The following LGSN variants were observed in gnomAD, a reference collection of about 807,000 sequenced individuals.
LGSN encodes the protein lengsin, lens protein with glutamine synthetase domain.
LGSN carries 21 observed loss-of-function variants against 19.5 expected under a neutral mutation model. The ratio of observed to expected loss-of-function variants is 1.07; its 90% CI spans 0.76 to 1.55. The LOEUF (loss-of-function observed/expected upper bound fraction) is 1.55. Ranked by LOEUF, LGSN falls within the 40% of genes most tolerant of loss-of-function variation. The pLI, the probability that LGSN is intolerant of heterozygous loss-of-function variation, is 0.00. For missense variants in LGSN, 673 were observed against 608.5 expected, an observed-to-expected ratio of 1.11 and a Z score of -1.12; for synonymous variants, 257 against 215.6, an observed-to-expected ratio of 1.19 and a Z score of -1.68.
At chr6:63,517,235 G>A in the LGSN span, among the ~76,000 whole-genome samples, 18 of 151,968 alleles carry the variant, frequency 1.2e-4, no homozygotes, top group African/African-American at 4.4e-4. Flanking sequence ...TCAGACCAGT[G>A]GCATTAAAGA....
the LGSN span, among the ~76,000 whole-genome samples, chr6:63,529,319 C>A: frequency 3.5e-4 from 53 of 150,042 alleles, no homozygotes; most frequent in Non-Finnish European, 6.8e-4. Flanking sequence ...ACATTTGATA[C>A]ATAAAATGGT....
chr6:63,321,549 A>G (rs770815179), upstream of LGSN, among the ~76,000 whole-genome samples: 3 of 152,024 alleles, frequency 2.0e-5, no homozygotes, highest in Non-Finnish European at 4.4e-5. Context: ...CTTCTTCTCA[A>G]TGTGTATCCA....
intron 1 of LGSN, among the ~76,000 whole-genome samples, chr6:63,311,006 G>A (rs1021880764): frequency 1.4e-4 from 22 of 152,096 alleles, no homozygotes; most frequent in African/African-American, 5.3e-4. Flanking sequence ...AAAATGCCTT[G>A]AGCATCTCAA....
chr6:63,446,601 G>A, the LGSN span, among the ~76,000 whole-genome samples: 6 of 152,184 alleles, frequency 3.9e-5, no homozygotes, highest in African/African-American at 7.2e-5. Flanking sequence ...GAATAAATTT[G>A]CCATCAATTA....
the LGSN span, among the ~76,000 whole-genome samples, chr6:63,427,117 C>T: frequency 6.6e-6 from 1 of 150,988 alleles, no homozygotes; most frequent in Non-Finnish European, 1.5e-5. Flanking sequence ...GCAATCTCGG[C>T]TCACTGCAAC....
the LGSN span, among the ~76,000 whole-genome samples, chr6:63,361,096 G>A: frequency 0.13 from 19,887 of 152,244 alleles, 2,875 homozygotes; most frequent in African/African-American, 0.36. Context: ...TAGGCTACTC[G>A]AGGGTCAGGG....
At chr6:63,323,045 T>A (rs544724028), upstream of LGSN, among the ~76,000 whole-genome samples, 16 of 152,348 alleles carry the variant, frequency 1.1e-4, no homozygotes, top group African/African-American at 3.8e-4. Context: ...AATTTAGCAT[T>A]TTCAATGATT....
At chr6:63,386,388 T>A in the LGSN span, among the ~76,000 whole-genome samples, 6 of 152,166 alleles carry the variant, frequency 3.9e-5, no homozygotes, top group Non-Finnish European at 8.8e-5. Context: ...TGGGGCTTTT[T>A]AATTTTTATT....
chr6:63,361,801 C>A, the LGSN span, among the ~76,000 whole-genome samples: 1 of 152,122 alleles, frequency 6.6e-6, no homozygotes, highest in African/African-American at 2.4e-5. Context: ...TTGGCTCCAC[C>A]CCTACAACCC....
At chr6:63,445,685 T>TTACCTTCAATATCAGCATA in the LGSN span, among the ~76,000 whole-genome samples, 1 of 152,176 alleles carries the variant, frequency 6.6e-6, no homozygotes, top group Non-Finnish European at 1.5e-5. Context: ...TGTGTGGTCA[T>TTACCTTCAATATCAGCATA]TACCTTCAAT....
At chr6:63,566,540 T>C in the LGSN span, among the ~76,000 whole-genome samples, 126 of 152,188 alleles carry the variant, frequency 8.3e-4, no homozygotes, top group African/African-American at 2.9e-3. Flanking sequence ...AGAAAGGAAG[T>C]GGGGAAAACG....
chr6:63,558,175 T>C, the LGSN span, among the ~76,000 whole-genome samples: 1 of 152,138 alleles, frequency 6.6e-6, no homozygotes. Context: ...CGGCCACATA[T>C]GCATTTTTAA....
At chr6:63,284,272 T>A (rs1315652597) in intron 3 of LGSN, among the ~76,000 whole-genome samples, 1 of 151,946 alleles carries the variant, frequency 6.6e-6, no homozygotes, top group Admixed American at 6.5e-5. Context: ...GTATAATGAG[T>A]TACATTAAAA....
chr6:63,395,883 C>T, the LGSN span: 1 of 153,938 alleles, frequency 6.5e-6, no homozygotes. Context: ...GTTTGGCTGC[C>T]TTGTAGGGAG....
the LGSN span, among the ~76,000 whole-genome samples, chr6:63,415,087 G>A: frequency 4.6e-5 from 7 of 152,086 alleles, no homozygotes; most frequent in Non-Finnish European, 8.8e-5. Context: ...GGAGGCTGAG[G>A]CAGGTGGATC....
chr6:63,368,066 T>A, the LGSN span, among the ~76,000 whole-genome samples: 1 of 150,606 alleles, frequency 6.6e-6, no homozygotes, highest in Non-Finnish European at 1.5e-5. Flanking sequence ...ATTGTGCACA[T>A]GTACCCTAGA....
the LGSN span, among the ~76,000 whole-genome samples, chr6:63,493,992 C>A: frequency 6.6e-6 from 1 of 151,160 alleles, no homozygotes; most frequent in Non-Finnish European, 1.5e-5. Flanking sequence ...CTCTGTCGCC[C>A]AGGCTGGAGT....
At chr6:63,439,683 C>G in the LGSN span, among the ~76,000 whole-genome samples, 1 of 152,128 alleles carries the variant, frequency 6.6e-6, no homozygotes, top group Non-Finnish European at 1.5e-5. Flanking sequence ...CTAATTCCCC[C>G]CATCTATTTT....
the LGSN span, among the ~76,000 whole-genome samples, chr6:63,384,404 G>A: frequency 1.4e-4 from 22 of 152,078 alleles, no homozygotes; most frequent in East Asian, 1.2e-3. Flanking sequence ...TTCCACTACC[G>A]TTATGAGCAG....
Sources: gnomAD v4.1 joint callset for allele counts (sites outside exome capture counted in the v4.1 genomes callset) on GRCh38, gnomAD v4.1.1 for gene constraint, MANE v1.5 for transcripts, NCBI Gene and HGNC (gene_info 2026-07-23, HGNC 2026-07-21) for gene names.